Variants in FGD4 observed in about 807,000 individuals in gnomAD.
FGD4 encodes the protein FYVE, RhoGEF and PH domain containing 4.
A neutral mutation model predicts 102.0 loss-of-function variants in FGD4; 42 were observed. That is an observed-to-expected ratio of 0.41 (90% CI 0.32 to 0.53). The LOEUF (loss-of-function observed/expected upper bound fraction) is 0.53, where lower values mean the gene tolerates loss of function less well. FGD4 is among the 20% of genes least tolerant of loss of function. FGD4 has a pLI of 0.21. For missense variants in FGD4, 902 were observed against 1,078.2 expected, an observed-to-expected ratio of 0.84 and a Z score of 2.29; for synonymous variants, 380 against 375.7, an observed-to-expected ratio of 1.01 and a Z score of -0.13.
chr12:32,488,570 A>T (rs1031956674), intron 1 of FGD4, among the ~76,000 whole-genome samples: 2 of 151,958 alleles, frequency 1.3e-5, no homozygotes, highest in Non-Finnish European at 2.9e-5. Flanking sequence ...ATGGTGTGAT[A>T]TAGGCAACAA....
At chr12:32,473,714 C>T (rs573075022) in intron 1 of FGD4, among the ~76,000 whole-genome samples, 87 of 152,186 alleles carry the variant, frequency 5.7e-4, no homozygotes, top group Non-Finnish European at 9.6e-4. Context: ...ATTTTCCGTT[C>T]TTCCCCACTT....
At chr12:32,495,190 A>G (rs1050041917) in intron 1 of FGD4, among the ~76,000 whole-genome samples, 2 of 152,028 alleles carry the variant, frequency 1.3e-5, no homozygotes, top group Non-Finnish European at 2.9e-5. Flanking sequence ...ATGCCTGTTT[A>G]TTTCTTAGAG....
chr12:32,562,028 TTTG>T (rs1944640033), intron 1 of FGD4, among the ~76,000 whole-genome samples: 1 of 152,136 alleles, frequency 6.6e-6, no homozygotes, highest in African/African-American at 2.4e-5. Context: ...CATGTGTGTA[TTTG>T]TTAGTTTCAA....
intron 4 of FGD4, among the ~76,000 whole-genome samples, chr12:32,589,470 C>T (rs560284632): frequency 3.3e-5 from 5 of 152,286 alleles, no homozygotes; most frequent in South Asian, 2.1e-4. Flanking sequence ...TAACATAAAG[C>T]GTTTATAAAT....
At chr12:32,536,062 T>C (rs1231559245) in intron 1 of FGD4, among the ~76,000 whole-genome samples, 5 of 152,130 alleles carry the variant, frequency 3.3e-5, no homozygotes, top group African/African-American at 9.7e-5. Context: ...GCATATTTAG[T>C]GCACATGTTA....
At chr12:32,585,219 ATT>A (rs1161555557) in intron 4 of FGD4, among the ~76,000 whole-genome samples, 1 of 90,814 alleles carries the variant, frequency 1.1e-5, no homozygotes, top group Non-Finnish European at 2.3e-5. Flanking sequence ...TGTCTCAAAA[ATT>A]TTATATATAT....
intron 1 of FGD4, among the ~76,000 whole-genome samples, chr12:32,554,235 T>C (rs1229676741): frequency 3.3e-5 from 5 of 152,202 alleles, no homozygotes; most frequent in Non-Finnish European, 7.3e-5. Context: ...AAAAAATTAT[T>C]TGGGTATGTA....
At position 32,607,528 on chromosome 12, in the gene FGD4, T is replaced by G. The variant is rs112284001; in HGVS notation, c.1405-429T>G. Among the ~76,000 whole-genome samples the G allele has an allele frequency of 2.6e-3, 387 of 150,694 alleles. 2 individuals carry two copies. Among genetic ancestry groups the G allele is most frequent in the African/African-American group, 8.6e-3 (346 of 40,036 alleles). On this transcript the variant is annotated intron_variant, in intron 7 of 16. Transcript: ENST00000534526. ...TCTGTTTTCTGTTGTTGTTGTTGTT[T>G]TTTTTGAGACGGAGTCTCACTCTGT...
chr12:32,539,266 T>G (rs1404488318), intron 1 of FGD4, among the ~76,000 whole-genome samples: 1 of 151,942 alleles, frequency 6.6e-6, no homozygotes. Context: ...AGGCTTGATG[T>G]GGAATAGAAA....
chr12:32,594,834 A>T (rs928628221), intron 4 of FGD4, among the ~76,000 whole-genome samples: 8 of 152,198 alleles, frequency 5.3e-5, no homozygotes, highest in Non-Finnish European at 2.9e-5. Flanking sequence ...GTTCGAGACC[A>T]GCCTGGCCAG....
intron 1 of FGD4, among the ~76,000 whole-genome samples, chr12:32,534,875 A>G (rs746315576): frequency 5.3e-5 from 8 of 152,194 alleles, no homozygotes; most frequent in Admixed American, 2.0e-4. Flanking sequence ...ACCACTAATC[A>G]TTTTTCTAGT....
intron 15 of FGD4, among the ~76,000 whole-genome samples, chr12:32,634,390 C>A (rs1385617263): frequency 6.6e-6 from 1 of 152,116 alleles, no homozygotes; most frequent in Admixed American, 6.6e-5. Flanking sequence ...ATCTAGTTTA[C>A]TATAGTCATT....
At chr12:32,525,219 C>G (rs1941017136) in intron 1 of FGD4, among the ~76,000 whole-genome samples, 1 of 152,122 alleles carries the variant, frequency 6.6e-6, no homozygotes, top group African/African-American at 2.4e-5. Context: ...CTGGCTTGGG[C>G]AGGTGCAAGG....
chr12:32,470,906 A>T (rs758938259), intron 1 of FGD4, among the ~76,000 whole-genome samples: 2 of 152,202 alleles, frequency 1.3e-5, no homozygotes, highest in Non-Finnish European at 2.9e-5. Flanking sequence ...ATGTCAGCTA[A>T]TGCTGACATG....
At chr12:32,556,515 C>T (rs1225728452) in intron 1 of FGD4, among the ~76,000 whole-genome samples, 1 of 152,070 alleles carries the variant, frequency 6.6e-6, no homozygotes, top group Non-Finnish European at 1.5e-5. Context: ...TGGCTTATTT[C>T]ACTTAGCATT....
At chr12:32,590,259 G>A (rs891075498) in intron 4 of FGD4, among the ~76,000 whole-genome samples, 6 of 148,238 alleles carry the variant, frequency 4.0e-5, no homozygotes, top group Admixed American at 3.4e-4. Flanking sequence ...GCAGTGAGCC[G>A]AGATCGCGCC....
At chr12:32,538,898 C>T (rs765059369) in intron 1 of FGD4, among the ~76,000 whole-genome samples, 3 of 151,998 alleles carry the variant, frequency 2.0e-5, no homozygotes, top group Non-Finnish European at 2.9e-5. Context: ...AGTAAAGATA[C>T]AAAAAATCAG....
intron 1 of FGD4, among the ~76,000 whole-genome samples, chr12:32,556,528 G>A (rs1341010202): frequency 6.6e-6 from 1 of 151,988 alleles, no homozygotes; most frequent in Admixed American, 6.6e-5. Context: ...TTAGCATTAT[G>A]TATGTCCTCA....
chr12:32,534,975 AT>A (rs1040558967), intron 1 of FGD4, among the ~76,000 whole-genome samples: 36 of 152,182 alleles, frequency 2.4e-4, no homozygotes, highest in African/African-American at 8.0e-4. Context: ...AGTAAGTATT[AT>A]TTGTTTTTCT....
Sources: gnomAD v4.1 joint callset for allele counts (sites outside exome capture counted in the v4.1 genomes callset) on GRCh38, gnomAD v4.1.1 for gene constraint, MANE v1.5 for transcripts, NCBI Gene and HGNC (gene_info 2026-07-23, HGNC 2026-07-21) for gene names.